Variants in SETBP1 observed in about 807,000 individuals in gnomAD.
SETBP1 encodes the protein SET-binding protein.
A neutral mutation model predicts 101.0 loss-of-function variants in SETBP1; 9 were observed. That is an observed-to-expected ratio of 0.09 (90% CI 0.05 to 0.16). SETBP1 has a LOEUF of 0.16. Among genes scored for constraint, SETBP1 ranks in the 10% least tolerant of loss-of-function variants. The probability of loss-of-function intolerance (pLI) is 1.00; values close to 1 mark genes in which losing one functional copy is unlikely to be tolerated. For missense variants in SETBP1, 1,858 were observed against 2,033.8 expected (o/e 0.91, Z 1.66); for synonymous variants, 818 against 788.5 (o/e 1.04, Z -0.63).
At chr18:44,879,466 G>T (rs1484308878) in intron 3 of SETBP1, among the ~76,000 whole-genome samples, 1 of 152,110 alleles carries the variant, frequency 6.6e-6, no homozygotes, top group Non-Finnish European at 1.5e-5. Flanking sequence ...CCATAAATGT[G>T]CACTGTAATT....
At chr18:45,020,592 A>G (rs925349231) in intron 4 of SETBP1, among the ~76,000 whole-genome samples, 2 of 152,244 alleles carry the variant, frequency 1.3e-5, no homozygotes, top group Admixed American at 1.3e-4. Context: ...CTATCTACCC[A>G]AAATGCAGAA....
chr18:44,722,505 A>T (rs2069621849), intron 2 of SETBP1, among the ~76,000 whole-genome samples: 1 of 152,164 alleles, frequency 6.6e-6, no homozygotes, highest in Admixed American at 6.5e-5. Context: ...TATGTCAAAG[A>T]TACTGTTGTT....
intron 5 of SETBP1, among the ~76,000 whole-genome samples, chr18:45,045,434 T>C (rs1354150467): frequency 6.6e-6 from 1 of 152,082 alleles, no homozygotes; most frequent in Non-Finnish European, 1.5e-5. Flanking sequence ...CATCCTCCCC[T>C]CCAAAAAGAA....
At chr18:44,793,450 A>G (rs1568148274) in intron 2 of SETBP1, among the ~76,000 whole-genome samples, 2 of 152,120 alleles carry the variant, frequency 1.3e-5, no homozygotes, top group African/African-American at 2.4e-5. Flanking sequence ...AGTGCTTCTC[A>G]AAGTGTGGTC....
chr18:44,812,553 T>C (rs2071885985), intron 2 of SETBP1, among the ~76,000 whole-genome samples: 1 of 152,144 alleles, frequency 6.6e-6, no homozygotes, highest in East Asian at 1.9e-4. Flanking sequence ...TTTTTGCTCA[T>C]TGGTTTGGCA....
chr18:44,766,475 C>T (rs2070765735), intron 2 of SETBP1, among the ~76,000 whole-genome samples: 1 of 152,132 alleles, frequency 6.6e-6, no homozygotes, highest in South Asian at 2.1e-4. Flanking sequence ...TCCATCTATA[C>T]AAGTATCTAG....
At chr18:44,825,775 C>T (rs140957316) in intron 2 of SETBP1, among the ~76,000 whole-genome samples, 41 of 152,208 alleles carry the variant, frequency 2.7e-4, no homozygotes, top group African/African-American at 8.2e-4. Flanking sequence ...TTGTCTTTGC[C>T]GGGAGCTCTT....
chr18:45,035,874 C>T (rs949412486), intron 4 of SETBP1, among the ~76,000 whole-genome samples: 3 of 152,222 alleles, frequency 2.0e-5, no homozygotes, highest in Non-Finnish European at 4.4e-5. Flanking sequence ...CTCATGCCTG[C>T]TCTGCCCATT....
intron 4 of SETBP1, among the ~76,000 whole-genome samples, chr18:45,020,495 T>C (rs2073038029): frequency 6.6e-6 from 1 of 152,054 alleles, no homozygotes. Flanking sequence ...TTCTAAAAAA[T>C]AGGAATGTTT....
At chr18:44,686,227 T>C (rs2068837984) in intron 1 of SETBP1, among the ~76,000 whole-genome samples, 1 of 152,236 alleles carries the variant, frequency 6.6e-6, no homozygotes, top group African/African-American at 2.4e-5. Context: ...TTACCCTTTC[T>C]CATGAGAGCT....
chr18:44,717,281 T>G (rs994328079), intron 2 of SETBP1, among the ~76,000 whole-genome samples: 1 of 152,174 alleles, frequency 6.6e-6, no homozygotes, highest in African/African-American at 2.4e-5. Context: ...CTTCCATTAA[T>G]CTCTTTGTAA....
At chr18:44,775,048 A>G (rs529715926) in intron 2 of SETBP1, among the ~76,000 whole-genome samples, 1 of 152,232 alleles carries the variant, frequency 6.6e-6, no homozygotes. Flanking sequence ...GAAAACTATG[A>G]AAATGCTGAT....
intron 3 of SETBP1, among the ~76,000 whole-genome samples, chr18:44,891,908 C>T (rs953415798): frequency 3.3e-5 from 5 of 152,054 alleles, no homozygotes; most frequent in Admixed American, 6.6e-5. Context: ...AACGTTTGAA[C>T]ATTGCTTTTT....
Position 45,063,494 on chromosome 18 carries a change from C to T in SETBP1, c.4587C>T (p.Pro1529=). The change falls in exon 6 of 6, where the codon CCC becomes CCT. Residue 1529 remains proline (P), a synonymous_variant. Coordinates refer to ENST00000649279, the MANE Select transcript of SETBP1 (RefSeq NM_015559.3). The part of the protein sequence containing the change: ...APPLPPPPPP[P]LPPPPPPPLP... Reference sequence around the variant, plus strand: ...CCCTGCCCCCGCCACCGCCGCCGCCCCTGCCGCCACCGCCGCCACCACCCC... The same window carrying T: ...CCCTGCCCCCGCCACCGCCGCCGCCTCTGCCGCCACCGCCGCCACCACCCC... 6.9e-7 allele frequency: 1 copy of T among 1,438,932 alleles called. No individual in the cohort carries two copies. The highest frequency in any genetic ancestry group is 9.1e-7 in the Non-Finnish European group (1 of 1,096,698). 89.1% of individuals were successfully genotyped at this position (1,438,932 alleles called of 1,614,324 possible).
intron 3 of SETBP1, chr18:44,869,520 T>C (rs565357028): frequency 2.1e-4 from 113 of 534,184 alleles, no homozygotes; most frequent in Non-Finnish European, 3.7e-4. Flanking sequence ...AGGAGAAAAA[T>C]ATATAGAGAT....
At chr18:44,712,664 C>T (rs1306588333) in intron 2 of SETBP1, among the ~76,000 whole-genome samples, 1 of 152,058 alleles carries the variant, frequency 6.6e-6, no homozygotes, top group African/African-American at 2.4e-5. Context: ...CTGCTTGATT[C>T]CTACCATTTA....
intron 2 of SETBP1, among the ~76,000 whole-genome samples, chr18:44,706,204 A>G (rs1019082774): frequency 2.2e-4 from 34 of 152,106 alleles, no homozygotes; most frequent in Non-Finnish European, 1.9e-4. Context: ...TACTCAGGTA[A>G]GTGACTTAAT....
At chr18:44,788,629 A>C (rs2071298134) in intron 2 of SETBP1, among the ~76,000 whole-genome samples, 1 of 152,070 alleles carries the variant, frequency 6.6e-6, no homozygotes, top group African/African-American at 2.4e-5. Flanking sequence ...ATTCTGTTAC[A>C]AACACTCCTA....
At chr18:44,845,875 G>A (rs990223085) in intron 2 of SETBP1, among the ~76,000 whole-genome samples, 3 of 152,192 alleles carry the variant, frequency 2.0e-5, no homozygotes, top group African/African-American at 7.2e-5. Context: ...TTCAGGTTGC[G>A]AGCCCTGTTG....
Sources: gnomAD v4.1 joint callset for allele counts (sites outside exome capture counted in the v4.1 genomes callset) on GRCh38, gnomAD v4.1.1 for gene constraint, MANE v1.5 for transcripts, NCBI Gene and HGNC (gene_info 2026-07-23, HGNC 2026-07-21) for gene names.